The following EHMT1 variants were observed in gnomAD, a reference collection of about 807,000 sequenced individuals.
EHMT1 encodes the protein euchromatic histone lysine methyltransferase 1.
EHMT1 carries 15 observed loss-of-function variants against 147.2 expected under a neutral mutation model. The observed-to-expected ratio is 0.10, with a 90% CI of 0.07 to 0.16. The LOEUF (loss-of-function observed/expected upper bound fraction) is 0.16. Ranked by LOEUF, EHMT1 falls within the 10% of genes least tolerant of loss-of-function variation. The probability of loss-of-function intolerance (pLI) is 1.00; values close to 1 mark genes in which losing one functional copy is unlikely to be tolerated. For missense variants in EHMT1, 1,587 were observed against 1,772.4 expected (o/e 0.90, Z 1.88); for synonymous variants, 795 against 709.6 (o/e 1.12, Z -1.91).
At chr9:137,768,392 T>TG (rs1270482717) in intron 10 of EHMT1, among the ~76,000 whole-genome samples, 2 of 149,232 alleles carry the variant, frequency 1.3e-5, no homozygotes, top group Non-Finnish European at 3.0e-5. Context: ...TCACTCTTGT[T>TG]GCCCGGGTTG....
At chr9:137,698,366 C>T (rs1245673140) in intron 1 of EHMT1, among the ~76,000 whole-genome samples, 1 of 152,220 alleles carries the variant, frequency 6.6e-6, no homozygotes, top group Non-Finnish European at 1.5e-5. Flanking sequence ...GTGGTATTGA[C>T]TGGGCGGATT....
chr9:137,721,298 C>T, intron 3 of EHMT1, among the ~76,000 whole-genome samples: 1 of 41,108 alleles, frequency 2.4e-5, no homozygotes, highest in African/African-American at 6.7e-5. Flanking sequence ...CTCACACTCA[C>T]CCCCTCCCAG....
chr9:137,659,022 G>C (rs574670845), intron 1 of EHMT1, among the ~76,000 whole-genome samples: 1 of 152,162 alleles, frequency 6.6e-6, no homozygotes, highest in African/African-American at 2.4e-5. Context: ...CCTTGAGTTT[G>C]AGTCAATTGA....
rs1950968292 is a variant in EHMT1, at chr9:137,776,476, C to T, written c.1792-142C>T. ...TCCTCCTTCTTAACGATGCCTGGGG[C>T]CAAGACTGGACCCCACCCCGACCCA... is the stretch of plus-strand genomic sequence containing the variant. On this transcript the variant is annotated intron_variant, in intron 11 of 26. Transcript: ENST00000460843. The surrounding 1 kb of genome is among the most constrained non-coding windows in gnomAD (Gnocchi z 4.4). The T allele has an allele frequency of 2.7e-6, 2 of 751,318 alleles. No individual in the cohort carries two copies. The highest frequency in any genetic ancestry group is 7.4e-4 in the Middle Eastern group (2 of 2,714). The allele number at this position is 751,318 out of a possible 1,614,324, so 46.5% of individuals were successfully genotyped here.
chr9:137,800,883 G>A lies in EHMT1; in HGVS notation c.2611G>A (p.Asp871Asn). 6.2e-7 allele frequency: 1 copy of A among 1,614,124 alleles called. No individual in the cohort carries two copies. The highest frequency in any genetic ancestry group is 8.5e-7 in the Non-Finnish European group (1 of 1,180,020). ...NGQMDVNCQD[D>N]GGWTPMIWAT... ...GCTTTGTCCTCTTCCCTGGCAGGAT[G>A]ACGGAGGCTGGACACCCATGATCTG... Residue 871 changes from aspartate (D) to asparagine (N), a missense_variant, in exon 18 of 27, where the codon GAC (aspartate) becomes AAC (asparagine). Coordinates refer to ENST00000460843, the MANE Select transcript of EHMT1 (RefSeq NM_024757.5).
At chr9:137,831,129 C>T (rs1471341660) in intron 25 of EHMT1, among the ~76,000 whole-genome samples, 3 of 152,176 alleles carry the variant, frequency 2.0e-5, no homozygotes, top group East Asian at 1.9e-4. Context: ...ACTCCCATGA[C>T]CTAATCGCTT....
intron 1 of EHMT1, among the ~76,000 whole-genome samples, chr9:137,669,584 C>T (rs1051889096): frequency 1.6e-4 from 15 of 91,584 alleles, no homozygotes; most frequent in Admixed American, 6.3e-4. Context: ...CACCCACTGT[C>T]TACCCAGGGC....
At chr9:137,714,173 G>A (rs1453302052) in intron 2 of EHMT1, among the ~76,000 whole-genome samples, 1 of 152,120 alleles carries the variant, frequency 6.6e-6, no homozygotes, top group Non-Finnish European at 1.5e-5. Flanking sequence ...CTAGTACAGG[G>A]TTGAATAGAA....
chr9:137,733,853 T>C (rs1947317503), intron 4 of EHMT1, among the ~76,000 whole-genome samples: 1 of 152,212 alleles, frequency 6.6e-6, no homozygotes, highest in African/African-American at 2.4e-5. Flanking sequence ...AGTGACTGCA[T>C]GTGCCCAGGG....
intron 16 of EHMT1, among the ~76,000 whole-genome samples, chr9:137,794,417 G>A (rs1952747863): frequency 6.6e-6 from 1 of 152,160 alleles, no homozygotes; most frequent in Admixed American, 6.5e-5. Flanking sequence ...GGAGGCTGAG[G>A]CAGAAGGATG....
chr9:137,784,378 T>C, intron 15 of EHMT1: 1 of 1,266,464 alleles, frequency 7.9e-7, no homozygotes, highest in South Asian at 3.1e-5. Context: ...GGTAAATAAA[T>C]TGCATTCAGA....
chr9:137,768,943 T>G (rs1950424167), intron 10 of EHMT1, among the ~76,000 whole-genome samples: 1 of 152,222 alleles, frequency 6.6e-6, no homozygotes, highest in Non-Finnish European at 1.5e-5. Context: ...CGCCTCAGCC[T>G]CTCAAAGTGC....
intron 1 of EHMT1, among the ~76,000 whole-genome samples, chr9:137,661,860 T>C (rs1399873736): frequency 6.6e-6 from 1 of 152,088 alleles, no homozygotes; most frequent in Admixed American, 6.6e-5. Context: ...CGGAGTGCAA[T>C]GCTGCAATCT....
intron 1 of EHMT1, among the ~76,000 whole-genome samples, chr9:137,692,110 A>G (rs1588196051): frequency 2.0e-5 from 3 of 152,136 alleles, no homozygotes; most frequent in Admixed American, 2.0e-4. Flanking sequence ...ATCATACACA[A>G]CACCAGCCAG....
Position 137,834,775 on chromosome 9 carries a change from T to C in EHMT1, c.3719T>C (p.Phe1240Ser). The C allele has an allele frequency of 1.9e-6, 3 of 1,613,402 alleles. No homozygotes were observed. The highest frequency in any genetic ancestry group is 1.7e-6 in the Non-Finnish European group (2 of 1,179,746). ...CCTTGGTTCTGTTCCCTCCCCAGGT[T>C]TGACTATGGAGAGCGCTTCTGGGAC... ...RLIEAGEQLG[F>S]DYGERFWDIK... Residue 1240 changes from phenylalanine to serine, a missense_variant and splice_region_variant, in exon 27 of 27, where the codon TTT becomes TCT. Phe to Ser is a radical substitution (Grantham distance 155, BLOSUM62 -2). This residue lies in a region of EHMT1 where 141 missense variants were observed against 150.8 expected (regional missense o/e 0.94). Coordinates refer to ENST00000460843, the MANE Select transcript of EHMT1 (RefSeq NM_024757.5).
chr9:137,724,405 G>T (rs1322636499), intron 3 of EHMT1, among the ~76,000 whole-genome samples: 1 of 152,218 alleles, frequency 6.6e-6, no homozygotes, highest in Non-Finnish European at 1.5e-5. Context: ...CGGCCGTGCT[G>T]CCTCCATGGC....
At chr9:137,809,654 T>C (rs1202396070) in intron 18 of EHMT1, among the ~76,000 whole-genome samples, 1 of 152,226 alleles carries the variant, frequency 6.6e-6, no homozygotes, top group African/African-American at 2.4e-5. Context: ...TTCAGGAACG[T>C]GAAACGCTCA....
chr9:137,719,439 C>T (rs1945711980), intron 3 of EHMT1, among the ~76,000 whole-genome samples: 1 of 152,120 alleles, frequency 6.6e-6, no homozygotes, highest in South Asian at 2.1e-4. Flanking sequence ...GGTGTTGCGT[C>T]CTCTCCTAGG....
At chr9:137,651,456 A>G (rs982609033) in intron 1 of EHMT1, among the ~76,000 whole-genome samples, 20 of 152,140 alleles carry the variant, frequency 1.3e-4, no homozygotes, top group African/African-American at 4.8e-4. Context: ...TCTGTCAGTG[A>G]TGGACAACAT....
Sources: gnomAD v4.1 joint callset for allele counts (sites outside exome capture counted in the v4.1 genomes callset) on GRCh38, gnomAD v4.1.1 for gene constraint, gnomAD v4.1.1 regional missense constraint, Gnocchi (gnomAD v3.1) non-coding constraint, MANE v1.5 for transcripts, NCBI Gene and HGNC (gene_info 2026-07-23, HGNC 2026-07-21) for gene names.